The following MYO3A variants were observed in gnomAD, a reference collection of about 807,000 sequenced individuals.
The protein encoded by MYO3A is myosin IIIA, also known as myosin-IIIa.
MYO3A carries 180 observed loss-of-function variants against 192.7 expected under a neutral mutation model. The ratio of observed to expected loss-of-function variants is 0.93; its 90% confidence interval spans 0.83 to 1.06. The LOEUF (loss-of-function observed/expected upper bound fraction) is 1.06, where lower values mean the gene tolerates loss of function less well. MYO3A is among the 50% of genes least tolerant of loss of function. The probability of loss-of-function intolerance (pLI) is 0.00; values close to 1 mark genes in which losing one functional copy is unlikely to be tolerated. For missense variants in MYO3A, 1,896 were observed against 1,905.0 expected, an observed-to-expected ratio of 1.00 and a Z score of 0.09; for synonymous variants, 628 against 645.3, an observed-to-expected ratio of 0.97 and a Z score of 0.41.
intron 14 of MYO3A, among the ~76,000 whole-genome samples, chr10:26,081,133 T>TCCCCCTCC (rs1835905112): frequency 1.2e-5 from 1 of 84,940 alleles, no homozygotes; most frequent in Non-Finnish European, 2.5e-5. Flanking sequence ...TATATGCCCT[T>TCCCCCTCC]CCCCCCCCCC....
intron 27 of MYO3A, among the ~76,000 whole-genome samples, 158 bp from the exon 28 acceptor site, chr10:26,168,554 A>G (rs1841879766): frequency 6.6e-6 from 1 of 152,196 alleles, no homozygotes; most frequent in Non-Finnish European, 1.5e-5. Flanking sequence ...AAGCATAAAA[A>G]TCTGTACTGT....
intron 4 of MYO3A, among the ~76,000 whole-genome samples, chr10:25,992,055 G>T (rs567727884): frequency 0.011 from 1,719 of 152,148 alleles, 38 homozygotes; most frequent in African/African-American, 0.037. Flanking sequence ...GTGAAGAAAG[G>T]CATTGGTAGC....
chr10:26,032,330 G>C (rs1309650747), intron 10 of MYO3A, among the ~76,000 whole-genome samples: 1 of 152,108 alleles, frequency 6.6e-6, no homozygotes, highest in Non-Finnish European at 1.5e-5. Flanking sequence ...AGTGTTAAAA[G>C]TACCGGCCAG....
chr10:25,999,850 T>C (rs1225098508), intron 6 of MYO3A, among the ~76,000 whole-genome samples: 5 of 151,974 alleles, frequency 3.3e-5, no homozygotes, highest in African/African-American at 1.2e-4. Flanking sequence ...CATCCTCGAG[T>C]CTTCCCTTGT....
At chr10:26,171,643 G>T (rs1050888557) in intron 29 of MYO3A, among the ~76,000 whole-genome samples, 6 of 152,240 alleles carry the variant, frequency 3.9e-5, no homozygotes, top group Admixed American at 1.3e-4. Context: ...TGCTTGTGAG[G>T]ATCCAAATGA....
At chr10:25,934,942 G>C (rs1835950192) in intron 1 of MYO3A, among the ~76,000 whole-genome samples, 1 of 152,068 alleles carries the variant, frequency 6.6e-6, no homozygotes, top group Non-Finnish European at 1.5e-5. Flanking sequence ...AGTAACGAGG[G>C]GCGAGAACTG....
rs527375613 is a variant in MYO3A, at chr10:26,008,074, C to T, written c.509-8746C>T. 2.6e-3 allele frequency among the ~76,000 whole-genome samples: 388 copies of T among 148,968 alleles called. 6 individuals carry two copies. The highest frequency in any genetic ancestry group is 9.2e-3 in the Admixed American group (139 of 15,096). On this transcript the variant is annotated intron_variant, in intron 6 of 34. Coordinates refer to ENST00000642920, the MANE Select transcript of MYO3A (RefSeq NM_017433.5). ...AACAGAACAGAGCCCTCAGAAATAA[C>T]GCCGCATATCTACAACTATCTGATC...
chr10:26,048,790 AG>A (rs35099427), intron 10 of MYO3A, among the ~76,000 whole-genome samples: 1 of 152,220 alleles, frequency 6.6e-6, no homozygotes, highest in African/African-American at 2.4e-5. Context: ...TCTGGACTTC[AG>A]GGGAGAAATC....
rs1841202892 is a variant in MYO3A at position 26,157,391 on chromosome 10, C to T, written c.2875C>T (p.Gln959Ter). The part of the protein sequence containing the change: ...VRCIKPNSER[Q>*]ARKYDKEKVL... ...TTGCATCAAACCAAATAGTGAGCGT[C>T]AGGCAAGAAAATATGACAAAGAGAA... The change falls in exon 26 of 35, where the codon CAG becomes TAG. Residue 959 changes from glutamine (Q) to a stop codon, truncating the protein, a stop_gained. Coordinates refer to ENST00000642920, the MANE Select transcript of MYO3A (RefSeq NM_017433.5). LOFTEE classifies it high-confidence loss of function. 3.7e-6 allele frequency: 6 copies of T among 1,614,142 alleles called. No homozygotes were observed. The highest frequency in any genetic ancestry group is 5.1e-6 in the Non-Finnish European group (6 of 1,180,018).
At chr10:26,017,341 A>G (rs1047714842) in intron 7 of MYO3A, among the ~76,000 whole-genome samples, 4 of 152,214 alleles carry the variant, frequency 2.6e-5, no homozygotes, top group African/African-American at 9.7e-5. Flanking sequence ...CTCAGCTTTA[A>G]TAAATTCTTT....
intron 10 of MYO3A, among the ~76,000 whole-genome samples, chr10:26,038,602 T>C (rs1169420100): frequency 6.6e-6 from 1 of 152,224 alleles, no homozygotes; most frequent in African/African-American, 2.4e-5. Context: ...TGTTTAGGTT[T>C]TTTCAAGTAT....
chr10:25,945,101 A>AT (rs1302904267), intron 2 of MYO3A, among the ~76,000 whole-genome samples: 1 of 151,934 alleles, frequency 6.6e-6, no homozygotes, highest in Non-Finnish European at 1.5e-5. Flanking sequence ...TTTTCATTTG[A>AT]TTCAAGATAT....
chr10:25,974,829 A>G (rs189660873), intron 4 of MYO3A, among the ~76,000 whole-genome samples: 75 of 152,348 alleles, frequency 4.9e-4, no homozygotes, highest in African/African-American at 1.8e-3. Context: ...TTCTGGAAAC[A>G]AGAGTCCTAG....
chr10:26,156,064 T>G (rs770929337), intron 25 of MYO3A, among the ~76,000 whole-genome samples: 2 of 152,200 alleles, frequency 1.3e-5, no homozygotes, highest in Non-Finnish European at 2.9e-5. Context: ...GCGCCTAAAT[T>G]GCAGGAAGGT....
chr10:26,005,529 T>C (rs1470053587), intron 6 of MYO3A, among the ~76,000 whole-genome samples: 1 of 152,062 alleles, frequency 6.6e-6, no homozygotes, highest in African/African-American at 2.4e-5. Context: ...ATTTTGAAGG[T>C]TGTGTAAGGG....
At position 26,096,413 on chromosome 10, in the gene MYO3A, T is replaced by C; in HGVS notation, c.1595T>C (p.Ile532Thr). Residue 532 changes from isoleucine to threonine, a missense_variant, in exon 16 of 35, where the codon ATT (isoleucine) becomes ACT (threonine). By Grantham distance (89) the Ile-to-Thr change is moderately conservative. Transcript: ENST00000642920. ...AAAAATTTTCATATTTTTTACTACA[T>C]TTATGCTGGTTTGGCTGAAAAGAAG... ...GEKNFHIFYYIYAGLAEKKKL... is the reference protein window; with the variant it reads ...GEKNFHIFYYTYAGLAEKKKL... 1 of 1,613,450 alleles carries C rather than the reference T, an allele frequency of 6.2e-7. No homozygotes were observed. Among genetic ancestry groups the C allele is most frequent in the Non-Finnish European group, 8.5e-7 (1 of 1,179,806 alleles).
At chr10:26,210,444 G>A (rs1844171821) in intron 34 of MYO3A, among the ~76,000 whole-genome samples, 1 of 152,108 alleles carries the variant, frequency 6.6e-6, no homozygotes, top group Non-Finnish European at 1.5e-5. Flanking sequence ...ATCCATCAGT[G>A]AGCCAACCCT....
At chr10:26,202,496 G>A (rs986909556) in intron 33 of MYO3A, among the ~76,000 whole-genome samples, 4 of 152,212 alleles carry the variant, frequency 2.6e-5, no homozygotes, top group Non-Finnish European at 4.4e-5. Flanking sequence ...ACAGAGTAGA[G>A]GGAGGACAGA....
intron 4 of MYO3A, among the ~76,000 whole-genome samples, chr10:25,958,604 T>C (rs1837717998): frequency 6.6e-6 from 1 of 152,204 alleles, no homozygotes; most frequent in African/African-American, 2.4e-5. Context: ...AATTTTAAAA[T>C]AGTTTTTTTC....
Sources: allele counts gnomAD v4.1 joint callset (sites outside exome capture counted in the v4.1 genomes callset), GRCh38; gene constraint gnomAD v4.1.1; transcripts MANE v1.5; gene names NCBI Gene and HGNC (gene_info 2026-07-23, HGNC 2026-07-21).